VSIG10: variants seen among roughly 807,000 people sequenced by gnomAD.
VSIG10 encodes V-set and immunoglobulin domain containing 10, also known as V-set and immunoglobulin domain-containing protein 10.
Under a neutral mutation model 58.7 loss-of-function variants are expected in VSIG10, and 48 were observed. The ratio of observed to expected loss-of-function variants is 0.82; its 90% CI spans 0.65 to 1.04. The LOEUF is 1.04. Among genes scored for constraint, VSIG10 ranks in the 50% least tolerant of loss-of-function variants. The pLI is 0.00. For missense variants in VSIG10, 628 were observed against 670.0 expected (o/e 0.94, Z 0.69); for synonymous variants, 260 against 267.1 (o/e 0.97, Z 0.26).
At chr12:118,087,033 G>A (rs547539640) in intron 2 of VSIG10, among the ~76,000 whole-genome samples, 1 of 149,700 alleles carries the variant, frequency 6.7e-6, no homozygotes, top group Non-Finnish European at 1.5e-5. Flanking sequence ...AAAGCGCTGG[G>A]ATTACAGGCG....
At position 118,071,150 on chromosome 12, in the gene VSIG10, A is replaced by G. The variant is rs901792475; in HGVS notation, c.1331-83T>C. Reference sequence around the variant, plus strand: ...GTTCTTAATCAGGCAAACATTTACTAGAGGAACAAATAAGAAAACTGACTC... The same window carrying G: ...GTTCTTAATCAGGCAAACATTTACTGGAGGAACAAATAAGAAAACTGACTC... On this transcript the variant is annotated intron_variant, in intron 6 of 8. Transcript: ENST00000359236. The G allele has an allele frequency of 1.4e-5, 21 of 1,479,192 alleles. No homozygotes were observed. In the African/African-American group the frequency reaches 2.9e-4, roughly 21 times the overall value. 91.6% of individuals were successfully genotyped at this position (1,479,192 alleles called of 1,614,324 possible).
At chr12:118,078,150 C>A (rs977909061) in intron 4 of VSIG10, among the ~76,000 whole-genome samples, 1 of 152,054 alleles carries the variant, frequency 6.6e-6, no homozygotes, top group Non-Finnish European at 1.5e-5. Context: ...AAAGTAATTA[C>A]AATTTTTGTC....
intron 1 of VSIG10, among the ~76,000 whole-genome samples, chr12:118,099,009 G>T (rs868178717): frequency 6.6e-6 from 1 of 151,098 alleles, no homozygotes; most frequent in African/African-American, 2.4e-5. Flanking sequence ...CAAAGTGCTG[G>T]GATTACAGGA....
intron 2 of VSIG10, among the ~76,000 whole-genome samples, chr12:118,086,666 G>C (rs1484909538): frequency 6.6e-6 from 1 of 152,012 alleles, no homozygotes; most frequent in Non-Finnish European, 1.5e-5. Flanking sequence ...AGGCTGACAC[G>C]GGAGGATCGC....
intron 4 of VSIG10, among the ~76,000 whole-genome samples, chr12:118,075,034 T>C (rs2032655466): frequency 1.3e-5 from 2 of 151,430 alleles, no homozygotes; most frequent in African/African-American, 4.8e-5. Flanking sequence ...TTGTGCCTAA[T>C]GTATAAATTA....
chr12:118,074,284 A>G (rs998998653), intron 4 of VSIG10, among the ~76,000 whole-genome samples: 1 of 151,704 alleles, frequency 6.6e-6, no homozygotes, highest in African/African-American at 2.4e-5. Context: ...GGGTTTCACC[A>G]TGTTGCCCAG....
chr12:118,097,033 G>A (rs1157777707), intron 1 of VSIG10, among the ~76,000 whole-genome samples: 1 of 151,944 alleles, frequency 6.6e-6, no homozygotes. Flanking sequence ...AGCGAGACTC[G>A]GTCTAAAAAC....
At position 118,098,407 on chromosome 12, in the gene VSIG10, C is replaced by A. The variant is rs72487549; in HGVS notation, c.80-2593G>T. Among the ~76,000 whole-genome samples the A allele has an allele frequency of 2.9e-4, 44 of 151,900 alleles. No individual in the cohort carries two copies. The East Asian group carries it at 8.2e-3, about 28-fold the overall frequency. ...TCTCTCTCTGCCTCTCCATCTCTCTCCATCTCAAATGGCCCTAGAGTTCAA... is the reference window on the plus strand; with the variant it reads ...TCTCTCTCTGCCTCTCCATCTCTCTACATCTCAAATGGCCCTAGAGTTCAA... On this transcript the variant is annotated intron_variant, in intron 1 of 8. Transcript: ENST00000359236.
intron 4 of VSIG10, among the ~76,000 whole-genome samples, chr12:118,075,224 G>A (rs961970056): frequency 8.1e-5 from 12 of 148,734 alleles, no homozygotes; most frequent in African/African-American, 4.9e-5. Flanking sequence ...GTGTGTGTGT[G>A]TATATATATA....
intron 4 of VSIG10, among the ~76,000 whole-genome samples, chr12:118,078,612 A>G (rs1290850919): frequency 6.6e-6 from 1 of 152,088 alleles, no homozygotes; most frequent in African/African-American, 2.4e-5. Flanking sequence ...TGCTGGTGCC[A>G]TGTTTCTTGC....
rs368996191 is a variant in VSIG10 at position 118,068,491 on chromosome 12, G to C, written c.1453C>G (p.Arg485Gly). Residue 485 changes from arginine (R) to glycine (G), a missense_variant, in exon 8 of 9, where the codon CGT becomes GGT. Arg to Gly is a moderately radical substitution (Grantham distance 125). Transcript: ENST00000359236. ...TCTTTTGGCAACTCCTCTCTCTCAC[G>C]TGCTCCCTCCTGTTCCCCTACTGCA... ...DAAVGEQEGAREREELPKEIP... is the reference protein window; with the variant it reads ...DAAVGEQEGAGEREELPKEIP... 1.2e-6 allele frequency: 2 copies of C among 1,612,878 alleles called. No homozygotes were observed. The highest frequency in any genetic ancestry group is 1.7e-5 in the Admixed American group (1 of 59,866).
At chr12:118,102,517 C>T (rs983549722) in intron 1 of VSIG10, 6 of 152,084 alleles carry the variant, frequency 3.9e-5, no homozygotes, top group Admixed American at 3.9e-4. Flanking sequence ...AAAGCAGGCC[C>T]CGTGTTGCCA....
At chr12:118,103,177 C>CG (rs2033662657) in intron 1 of VSIG10, 1 of 160,276 alleles carries the variant, frequency 6.2e-6, no homozygotes, top group Admixed American at 6.5e-5. Context: ...CAACCTTGGG[C>CG]AGAGGGAGGA....
intron 4 of VSIG10, among the ~76,000 whole-genome samples, chr12:118,076,371 T>A (rs2032727156): frequency 6.6e-6 from 1 of 150,896 alleles, no homozygotes; most frequent in Non-Finnish European, 1.5e-5. Context: ...ACGGTCCCTT[T>A]TTTTTTTTTT....
intron 1 of VSIG10, among the ~76,000 whole-genome samples, chr12:118,098,444 A>G (rs2033533251): frequency 6.6e-6 from 1 of 152,052 alleles, no homozygotes; most frequent in Non-Finnish European, 1.5e-5. Flanking sequence ...TTCTCTCAGA[A>G]GCCCCATGGA....
At chr12:118,096,245 ATCCT>A (rs1442637165) in intron 1 of VSIG10, among the ~76,000 whole-genome samples, 33 of 151,794 alleles carry the variant, frequency 2.2e-4, no homozygotes, top group African/African-American at 7.7e-4. Flanking sequence ...CATCGAGACC[ATCCT>A]GGCCAACATG....
intron 4 of VSIG10, among the ~76,000 whole-genome samples, chr12:118,075,737 T>C (rs1299227716): frequency 1.3e-5 from 2 of 152,046 alleles, no homozygotes; most frequent in African/African-American, 4.8e-5. Context: ...GGCAAGGCAC[T>C]GTTACATGTA....
chr12:118,098,003 T>A (rs1448451884), intron 1 of VSIG10, among the ~76,000 whole-genome samples: 2 of 152,266 alleles, frequency 1.3e-5, no homozygotes, highest in East Asian at 3.9e-4. Flanking sequence ...TAGATCAGCC[T>A]TCAGCTAGTC....
Position 118,073,271 on chromosome 12 carries a change from C to T in VSIG10, c.1219+428G>A, listed in dbSNP as rs193200368. 7.9e-5 allele frequency among the ~76,000 whole-genome samples: 12 copies of T among 152,240 alleles called. No individual in the cohort carries two copies. In the East Asian group the frequency reaches 9.7e-4, roughly 12 times the overall value. ...AACTCCTGGCCTCAAGTGATCCACC[C>T]GCCTCGGCCTCCCAAAGTGCTGGGA... On this transcript the variant is annotated intron_variant, in intron 5 of 8. Coordinates refer to ENST00000359236, the MANE Select transcript of VSIG10 (RefSeq NM_019086.6).
Sources: gnomAD v4.1 joint callset for allele counts (sites outside exome capture counted in the v4.1 genomes callset) on GRCh38, gnomAD v4.1.1 for gene constraint, MANE v1.5 for transcripts, NCBI Gene and HGNC (gene_info 2026-07-23, HGNC 2026-07-21) for gene names.